The following GRID2 variants were observed in gnomAD, a reference collection of about 807,000 sequenced individuals.
GRID2 encodes the protein glutamate ionotropic receptor delta type subunit 2, also known as glutamate receptor ionotropic, delta-2.
Under a neutral mutation model 114.8 loss-of-function variants are expected in GRID2, and 33 were observed. The ratio of observed to expected loss-of-function variants is 0.29; its 90% CI spans 0.22 to 0.38. The LOEUF (loss-of-function observed/expected upper bound fraction) is 0.38. Ranked by LOEUF, GRID2 falls within the 10% of genes least tolerant of loss-of-function variation. The pLI, the probability that GRID2 is intolerant of heterozygous loss-of-function variation, is 1.00. For missense variants in GRID2, 1,184 were observed against 1,257.7 expected (o/e 0.94, Z 0.89); for synonymous variants, 505 against 449.9 (o/e 1.12, Z -1.55).
rs1446941511 is a variant in GRID2 at position 93,541,388 on chromosome 4, T to C, written c.2193+25977T>C. 2.0e-5 allele frequency among the ~76,000 whole-genome samples: 3 copies of C among 152,288 alleles called. No homozygotes were observed. In the East Asian group the frequency reaches 5.8e-4, roughly 29 times the overall value. On this transcript the variant is annotated intron_variant, in intron 13 of 15. Coordinates refer to ENST00000282020, the MANE Select transcript of GRID2 (RefSeq NM_001510.4). ...GGATTCAACACTTTTAGGGTACAAG[T>C]GTATTCTACTCTTGTCATGGAGAGA...
At chr4:93,322,864 A>G (rs1276515081) in intron 8 of GRID2, among the ~76,000 whole-genome samples, 1 of 152,036 alleles carries the variant, frequency 6.6e-6, no homozygotes, top group East Asian at 1.9e-4. Flanking sequence ...GTGTCTGTTC[A>G]TATCTTTTGC....
At chr4:92,584,923 G>A (rs7690473) in intron 1 of GRID2, among the ~76,000 whole-genome samples, 1 of 151,760 alleles carries the variant, frequency 6.6e-6, no homozygotes, top group South Asian at 2.1e-4. Flanking sequence ...TGAAGCATGA[G>A]AAGGTTTTCA....
At chr4:93,084,836 C>A in intron 2 of GRID2, 159 bp from the exon 3 acceptor site, 1 of 609,908 alleles carries the variant, frequency 1.6e-6, no homozygotes, top group Non-Finnish European at 2.9e-6. Flanking sequence ...ACCAATAGTG[C>A]TTTGTAATTT....
At chr4:93,042,247 ATCTCTCTCTCTC>A (rs1166899378) in intron 2 of GRID2, among the ~76,000 whole-genome samples, 10 of 121,726 alleles carry the variant, frequency 8.2e-5, no homozygotes, top group South Asian at 2.6e-4. Flanking sequence ...TATATTTTAA[ATCTCTCTCTCTC>A]TCTCTCTCTC....
At chr4:93,739,365 C>T (rs892799750) in intron 14 of GRID2, among the ~76,000 whole-genome samples, 3 of 152,026 alleles carry the variant, frequency 2.0e-5, no homozygotes, top group African/African-American at 7.2e-5. Flanking sequence ...GAAGCCATTT[C>T]CATGTAAAAA....
intron 1 of GRID2, among the ~76,000 whole-genome samples, chr4:92,391,922 T>A (rs1182193687): frequency 6.6e-6 from 1 of 152,206 alleles, no homozygotes; most frequent in African/African-American, 2.4e-5. Context: ...GCTGCTAAAA[T>A]CAATTCTGGA....
At chr4:93,190,344 A>C (rs2149446454) in intron 4 of GRID2, among the ~76,000 whole-genome samples, 1 of 152,280 alleles carries the variant, frequency 6.6e-6, no homozygotes, top group Non-Finnish European at 1.5e-5. Context: ...CCATTGACTT[A>C]ATAAAGAGGA....
intron 13 of GRID2, among the ~76,000 whole-genome samples, chr4:93,542,350 C>T (rs1732735174): frequency 6.6e-6 from 1 of 152,096 alleles, no homozygotes; most frequent in African/African-American, 2.4e-5. Flanking sequence ...ACCTTTTCTC[C>T]TTGGTTTCAA....
chr4:92,996,306 TA>T (rs199962054), intron 2 of GRID2, among the ~76,000 whole-genome samples: 3,969 of 150,916 alleles, frequency 0.026, 85 homozygotes, highest in Non-Finnish European at 0.039. Context: ...AAAAAAAAAA[TA>T]AAAAAAATAA....
intron 13 of GRID2, among the ~76,000 whole-genome samples, chr4:93,621,293 T>A (rs1475955459): frequency 1.3e-5 from 2 of 152,186 alleles, no homozygotes; most frequent in African/African-American, 4.8e-5. Context: ...CCAATGTCAA[T>A]CAATAACCAT....
intron 8 of GRID2, among the ~76,000 whole-genome samples, chr4:93,386,511 G>A (rs1764326296): frequency 6.6e-6 from 1 of 152,134 alleles, no homozygotes; most frequent in Admixed American, 6.6e-5. Context: ...TATTCAGTAA[G>A]ACAACAAGCC....
At chr4:92,836,229 T>C (rs1470451314) in intron 2 of GRID2, among the ~76,000 whole-genome samples, 2 of 152,158 alleles carry the variant, frequency 1.3e-5, no homozygotes, top group African/African-American at 4.8e-5. Context: ...CAGAAAATGT[T>C]TGCTGGCTTC....
chr4:93,343,670 C>A (rs1402908643), intron 8 of GRID2, among the ~76,000 whole-genome samples: 1 of 106,502 alleles, frequency 9.4e-6, no homozygotes, highest in Non-Finnish European at 1.9e-5. Context: ...TCTGATTATT[C>A]ATCAAAAAAA....
rs556601396 is a variant in GRID2 at position 93,555,392 on chromosome 4, A to G, written c.2193+39981A>G. ...TCTTGCTGCCAGCACAGAAGTCTCA[A>G]GTCGACCTGGGATGCTCGAGCTTGG... On this transcript the variant is annotated intron_variant, in intron 13 of 15. Transcript: ENST00000282020. Among the ~76,000 whole-genome samples the G allele has an allele frequency of 9.2e-5, 14 of 152,278 alleles. 1 individual carries two copies. In the South Asian group the frequency reaches 2.9e-3, roughly 32 times the overall value.
In GRID2 at chr4:92,772,553, T is replaced by C. The variant is rs985856796; in HGVS notation, c.244+182267T>C. 3.9e-5 allele frequency among the ~76,000 whole-genome samples: 6 copies of C among 152,198 alleles called. No homozygotes were observed. The East Asian group carries it at 1.2e-3, about 29-fold the overall frequency. ...ATTTATTCATAACGAGCATATCTAA[T>C]TTATTCTTCTCAATATTTCCATATT... On this transcript the variant is annotated intron_variant, in intron 2 of 15. Transcript: ENST00000282020.
chr4:93,765,710 A>C (rs1733611546), intron 14 of GRID2, among the ~76,000 whole-genome samples: 1 of 151,542 alleles, frequency 6.6e-6, no homozygotes, highest in Non-Finnish European at 1.5e-5. Context: ...AAGGAGACAA[A>C]ATTAAATAAA....
intron 2 of GRID2, among the ~76,000 whole-genome samples, chr4:92,665,889 C>G (rs1421587619): frequency 1.3e-5 from 2 of 151,300 alleles, no homozygotes; most frequent in South Asian, 4.2e-4. Context: ...TAAAATGTGT[C>G]TCAGTGTGTG....
At chr4:93,780,162 G>A (rs1734450778) in intron 1 of GRID2, among the ~76,000 whole-genome samples, 1 of 152,174 alleles carries the variant, frequency 6.6e-6, no homozygotes, top group South Asian at 2.1e-4. Flanking sequence ...GAGCAAGAAG[G>A]CCAGAGCAGA....
At chr4:93,213,876 T>A (rs1285636390) in intron 5 of GRID2, among the ~76,000 whole-genome samples, 1 of 152,128 alleles carries the variant, frequency 6.6e-6, no homozygotes, top group Non-Finnish European at 1.5e-5. Context: ...TGAATAAGAA[T>A]ATTTTGTCGG....
Sources: allele counts gnomAD v4.1 joint callset (sites outside exome capture counted in the v4.1 genomes callset), GRCh38; gene constraint gnomAD v4.1.1; transcripts MANE v1.5; gene names NCBI Gene and HGNC (gene_info 2026-07-23, HGNC 2026-07-21).